The following JPH2 variants were observed in gnomAD, a reference collection of about 807,000 sequenced individuals.
JPH2 encodes junctophilin-2.
JPH2 carries 38 observed loss-of-function variants against 55.9 expected under a neutral mutation model. The observed-to-expected ratio is 0.68, with a 90% confidence interval of 0.52 to 0.89. The LOEUF is 0.89. JPH2 is among the 40% of genes least tolerant of loss of function. The probability of loss-of-function intolerance (pLI) is 0.00; values close to 1 mark genes in which losing one functional copy is unlikely to be tolerated. For synonymous variants in JPH2, 480 were observed against 472.4 expected (o/e 1.02, Z -0.21); for missense variants, 964 against 1,037.6 (o/e 0.93, Z 0.97).
rs376852632 is a variant in JPH2 at position 44,155,302 on chromosome 20, G to A, written c.1169+4316C>T. On this transcript the variant is annotated intron_variant, in intron 2 of 5. Coordinates refer to ENST00000372980, the MANE Select transcript of JPH2 (RefSeq NM_020433.5). ...ACAGCTCTTCAGAAGAAGAGCTGGG[G>A]TTCCAATTCATGGTCTTCTGAATCA... Among the ~76,000 whole-genome samples the A allele has an allele frequency of 3.6e-3, 543 of 152,262 alleles. 2 individuals are homozygous for A. Among genetic ancestry groups the A allele is most frequent in the African/African-American group, 0.012 (510 of 41,556 alleles).
chr20:44,174,357 T>C (rs2072718609), intron 1 of JPH2, among the ~76,000 whole-genome samples: 2 of 152,218 alleles, frequency 1.3e-5, no homozygotes, highest in Admixed American at 6.5e-5. Context: ...TCCAGGATTC[T>C]GAGGCTACAT....
At chr20:44,166,318 G>C (rs140892157) in intron 1 of JPH2, among the ~76,000 whole-genome samples, 1 of 152,182 alleles carries the variant, frequency 6.6e-6, no homozygotes, top group Non-Finnish European at 1.5e-5. Context: ...ACTCACATCC[G>C]TGTCTGGCTA....
At chr20:44,114,450 G>A (rs754353484) in intron 5 of JPH2, among the ~76,000 whole-genome samples, 16 of 152,140 alleles carry the variant, frequency 1.1e-4, no homozygotes, top group Admixed American at 2.6e-4. Flanking sequence ...AGTCCCTGCT[G>A]TATCCCCATC....
rs1569194396 is a variant in JPH2, at chr20:44,134,489, ATATTTATT to A, written c.1170-15874_1170-15867del. Among the ~76,000 whole-genome samples the A allele has an allele frequency of 4.1e-4, 7 of 16,918 alleles. 2 individuals are homozygous for A. Among genetic ancestry groups the A allele is most frequent in the African/African-American group, 2.0e-3 (7 of 3,552 alleles). 11.1% of individuals were successfully genotyped at this position (16,918 alleles called of 152,430 possible). On this transcript the variant is annotated intron_variant, in intron 2 of 5. Coordinates refer to ENST00000372980, the MANE Select transcript of JPH2 (RefSeq NM_020433.5). ...ATATATAAATATATATTTATAATAT[ATATTTATT>A]ATATATAAATAATATATATTTATAA...
intron 1 of JPH2, among the ~76,000 whole-genome samples, chr20:44,167,350 G>A (rs2072663807): frequency 6.6e-6 from 1 of 152,184 alleles, no homozygotes; most frequent in African/African-American, 2.4e-5. Flanking sequence ...CAGGCCCAAG[G>A]AAATCCTCGG....
intron 2 of JPH2, among the ~76,000 whole-genome samples, chr20:44,129,573 A>AAAAAAAAAAC (rs2072302119): frequency 8.9e-6 from 1 of 112,406 alleles, no homozygotes; most frequent in Non-Finnish European, 2.0e-5. Context: ...AAAAAAACAA[A>AAAAAAAAAAC]AAAAACAAAA....
rs1371997077 is a variant in JPH2 at position 44,108,680 on chromosome 20, G to A, written c.*4838C>T. 6.6e-6 allele frequency among the ~76,000 whole-genome samples: 1 copy of A among 151,686 alleles called. No homozygotes were observed. Among genetic ancestry groups the A allele is most frequent in the Non-Finnish European group, 1.5e-5 (1 of 67,978 alleles). Reference sequence around the variant, plus strand: ...GGAAGAAGAAGTGACTGTAATGTAGGCACCTGGTCAAGACAGCCTGGAGTG... The same window carrying A: ...GGAAGAAGAAGTGACTGTAATGTAGACACCTGGTCAAGACAGCCTGGAGTG... On this transcript the variant is annotated 3_prime_UTR_variant, in exon 6 of 6. Coordinates refer to ENST00000372980, the MANE Select transcript of JPH2 (RefSeq NM_020433.5).
intron 2 of JPH2, among the ~76,000 whole-genome samples, chr20:44,119,500 G>T (rs575838954): frequency 6.6e-6 from 1 of 152,304 alleles, no homozygotes; most frequent in East Asian, 1.9e-4. Context: ...CCCGGCTGAT[G>T]TGAGTGTTGG....
intron 2 of JPH2, among the ~76,000 whole-genome samples, chr20:44,134,859 T>C (rs2072393614): frequency 2.5e-5 from 1 of 39,238 alleles, no homozygotes; most frequent in African/African-American, 1.2e-4. Flanking sequence ...TATAAATATA[T>C]ATATAAATAT....
intron 1 of JPH2, among the ~76,000 whole-genome samples, chr20:44,175,192 T>C (rs992655836): frequency 6.6e-5 from 10 of 152,168 alleles, no homozygotes; most frequent in African/African-American, 2.4e-4. Context: ...ACTAAAAGAT[T>C]AGCTGTTCAC....
chr20:44,168,823 G>A (rs2072676260), intron 1 of JPH2, among the ~76,000 whole-genome samples: 1 of 152,212 alleles, frequency 6.6e-6, no homozygotes, highest in Non-Finnish European at 1.5e-5. Context: ...ACTTCATGTT[G>A]AAATGTTATC....
At chr20:44,134,390 T>TATATA (rs1477488467) in intron 2 of JPH2, among the ~76,000 whole-genome samples, 4 of 11,052 alleles carry the variant, frequency 3.6e-4, no homozygotes, top group African/African-American at 2.2e-3. Flanking sequence ...TAAATAAATA[T>TATATA]ATATTTATTA....
intron 1 of JPH2, among the ~76,000 whole-genome samples, chr20:44,183,201 A>C (rs1250610802): frequency 1.3e-5 from 2 of 152,236 alleles, no homozygotes; most frequent in African/African-American, 4.8e-5. Flanking sequence ...CTCAAGGATT[A>C]TCTCCATTTT....
At position 44,127,000 on chromosome 20, in the gene JPH2, G is replaced by C. The variant is rs117299318; in HGVS notation, c.1170-8377C>G. Among the ~76,000 whole-genome samples the C allele has an allele frequency of 1.1e-3, 163 of 152,284 alleles. 2 individuals are homozygous for C. The East Asian group carries it at 0.024, about 23-fold the overall frequency. ...TGAACTGAGCACGTAACAAATATTA[G>C]CTATCATTATTGTTTCTGTTACTAT... On this transcript the variant is annotated intron_variant, in intron 2 of 5. Coordinates refer to ENST00000372980, the MANE Select transcript of JPH2 (RefSeq NM_020433.5).
rs1215082243 is a variant in JPH2, at chr20:44,117,110, C to G, written c.1289-724G>C. On this transcript the variant is annotated intron_variant, in intron 3 of 5. Coordinates refer to ENST00000372980, the MANE Select transcript of JPH2 (RefSeq NM_020433.5). ...CCTGGCCAACATAGTGAAATGCTGT[C>G]TCTACTAAAAATACAAAAATTAGCT... Among the ~76,000 whole-genome samples, 5 of 152,188 alleles carry G rather than the reference C, an allele frequency of 3.3e-5. No individual in the cohort carries two copies. In the East Asian group the frequency reaches 7.7e-4, roughly 23 times the overall value.
chr20:44,131,694 G>T (rs919978783), intron 2 of JPH2, among the ~76,000 whole-genome samples: 1 of 152,142 alleles, frequency 6.6e-6, no homozygotes, highest in African/African-American at 2.4e-5. Flanking sequence ...TCCATATACT[G>T]ACATTTATCA....
At chr20:44,176,943 A>C in intron 1 of JPH2, 1 of 985,444 alleles carries the variant, frequency 1.0e-6, no homozygotes, top group Non-Finnish European at 1.2e-6. Flanking sequence ...GCTCTACCCC[A>C]TCCACAGCAA....
intron 5 of JPH2, among the ~76,000 whole-genome samples, chr20:44,114,350 C>T (rs1600827694): frequency 6.6e-6 from 1 of 152,174 alleles, no homozygotes; most frequent in East Asian, 1.9e-4. Context: ...ACCTGTTGTG[C>T]TCAGTGTTTG....
At chr20:44,132,399 C>CACACACACACACACAGAG (rs71195518) in intron 2 of JPH2, among the ~76,000 whole-genome samples, 2 of 130,448 alleles carry the variant, frequency 1.5e-5, no homozygotes, top group African/African-American at 6.2e-5. Context: ...CACACACACA[C>CACACACACACACACAGAG]ACATTTGGGC....
Sources: gnomAD v4.1 joint callset for allele counts (sites outside exome capture counted in the v4.1 genomes callset) on GRCh38, gnomAD v4.1.1 for gene constraint, MANE v1.5 for transcripts, NCBI Gene and HGNC (gene_info 2026-07-23, HGNC 2026-07-21) for gene names.